Variants in TMEM132D observed in about 807,000 individuals in gnomAD.
TMEM132D encodes the protein mature OL transmembrane protein.
TMEM132D carries 21 observed loss-of-function variants against 62.3 expected under a neutral mutation model. The observed-to-expected ratio is 0.34, with a 90% CI of 0.24 to 0.49. The LOEUF (loss-of-function observed/expected upper bound fraction) is 0.49, where lower values mean the gene tolerates loss of function less well. Among genes scored for constraint, TMEM132D ranks in the 20% least tolerant of loss-of-function variants. TMEM132D has a pLI of 0.99. For synonymous variants in TMEM132D, 621 were observed against 575.6 expected, an observed-to-expected ratio of 1.08 and a Z score of -1.13; for missense variants, 1,346 against 1,402.8, an observed-to-expected ratio of 0.96 and a Z score of 0.65.
At chr12:129,875,789 C>G (rs993612236) in intron 1 of TMEM132D, among the ~76,000 whole-genome samples, 1 of 152,140 alleles carries the variant, frequency 6.6e-6, no homozygotes, top group African/African-American at 2.4e-5. Flanking sequence ...AGCAGAAATC[C>G]AAATTTATCT....
intron 4 of TMEM132D, among the ~76,000 whole-genome samples, chr12:129,322,631 G>T (rs1868760287): frequency 6.6e-6 from 1 of 152,090 alleles, no homozygotes; most frequent in Non-Finnish European, 1.5e-5. Context: ...TTTCTAGAAA[G>T]ATATGGGTTC....
intron 3 of TMEM132D, among the ~76,000 whole-genome samples, chr12:129,486,590 G>A (rs888774876): frequency 2.6e-5 from 4 of 152,180 alleles, no homozygotes; most frequent in Admixed American, 2.0e-4. Flanking sequence ...CTGAAATCTC[G>A]GCTCTGTCCC....
intron 3 of TMEM132D, among the ~76,000 whole-genome samples, chr12:129,422,486 A>G (rs1411195016): frequency 2.6e-5 from 4 of 152,338 alleles, no homozygotes; most frequent in Admixed American, 2.6e-4. Flanking sequence ...AATGCAAAAT[A>G]AAACCACAAA....
intron 2 of TMEM132D, among the ~76,000 whole-genome samples, chr12:129,672,214 G>T (rs540528670): frequency 6.6e-6 from 1 of 152,310 alleles, no homozygotes; most frequent in South Asian, 2.1e-4. Flanking sequence ...GGCCTGTCAG[G>T]TACATGTAGC....
chr12:129,687,967 C>T (rs187630884), intron 2 of TMEM132D, among the ~76,000 whole-genome samples: 3 of 152,298 alleles, frequency 2.0e-5, no homozygotes, highest in Admixed American at 2.0e-4. Context: ...CCTCTCTCTT[C>T]CCCTTTCCCT....
intron 1 of TMEM132D, among the ~76,000 whole-genome samples, chr12:129,802,136 T>A (rs1871811635): frequency 6.6e-6 from 1 of 151,554 alleles, no homozygotes; most frequent in Non-Finnish European, 1.5e-5. Context: ...CCAGGAGAAC[T>A]TCCCCAATTT....
chr12:129,446,173 A>G (rs1409044990), intron 3 of TMEM132D, among the ~76,000 whole-genome samples: 1 of 152,096 alleles, frequency 6.6e-6, no homozygotes, highest in Non-Finnish European at 1.5e-5. Context: ...GAACCAGAAT[A>G]CTGAGCTGGT....
chr12:129,486,833 T>C (rs1874594261), intron 3 of TMEM132D, among the ~76,000 whole-genome samples: 1 of 151,712 alleles, frequency 6.6e-6, no homozygotes, highest in Non-Finnish European at 1.5e-5. Context: ...TGGGGGCACC[T>C]AGCTATGTGG....
intron 3 of TMEM132D, among the ~76,000 whole-genome samples, chr12:129,501,526 A>T (rs1266461941): frequency 6.6e-6 from 1 of 151,686 alleles, no homozygotes; most frequent in Non-Finnish European, 1.5e-5. Context: ...TTTTTTTTTG[A>T]GATGGGTGTC....
At chr12:129,785,344 T>C (rs1013849644) in intron 1 of TMEM132D, among the ~76,000 whole-genome samples, 2 of 152,188 alleles carry the variant, frequency 1.3e-5, no homozygotes, top group African/African-American at 2.4e-5. Context: ...ACTAACTGGG[T>C]TTGATGTTTG....
At chr12:129,118,877 A>G (rs1408931923) in intron 5 of TMEM132D, among the ~76,000 whole-genome samples, 1 of 152,184 alleles carries the variant, frequency 6.6e-6, no homozygotes, top group Non-Finnish European at 1.5e-5. Context: ...AGCACAGCGT[A>G]TCTATTTCGG....
chr12:129,662,274 G>T (rs1257086061), intron 2 of TMEM132D, among the ~76,000 whole-genome samples: 1 of 152,172 alleles, frequency 6.6e-6, no homozygotes, highest in African/African-American at 2.4e-5. Flanking sequence ...GTGTCTGGAG[G>T]TGTTTCTGTT....
At chr12:129,498,644 T>G (rs2137065420) in intron 3 of TMEM132D, among the ~76,000 whole-genome samples, 1 of 152,366 alleles carries the variant, frequency 6.6e-6, no homozygotes, top group Admixed American at 6.5e-5. Flanking sequence ...CGCAGAGTTT[T>G]GGATAGATGC....
intron 1 of TMEM132D, among the ~76,000 whole-genome samples, chr12:129,715,913 G>C (rs1028879447): frequency 2.6e-5 from 4 of 152,138 alleles, no homozygotes; most frequent in African/African-American, 9.7e-5. Flanking sequence ...TTACCCACTG[G>C]GGCCCATCAG....
At chr12:129,202,054 A>G (rs1160313612) in intron 5 of TMEM132D, among the ~76,000 whole-genome samples, 3 of 152,156 alleles carry the variant, frequency 2.0e-5, no homozygotes, top group Non-Finnish European at 4.4e-5. Context: ...GGGAGGCAGA[A>G]GAGAGCATGG....
chr12:129,851,888 C>A (rs1873555353), intron 1 of TMEM132D, among the ~76,000 whole-genome samples: 1 of 152,180 alleles, frequency 6.6e-6, no homozygotes, highest in Admixed American at 6.5e-5. Context: ...TGTTTGCCCA[C>A]CATAATTGGA....
At chr12:129,734,383 A>G (rs1384423830) in intron 1 of TMEM132D, among the ~76,000 whole-genome samples, 3 of 152,198 alleles carry the variant, frequency 2.0e-5, no homozygotes, top group Non-Finnish European at 4.4e-5. Context: ...AATCAGGTCA[A>G]ATGCCATCTC....
intron 4 of TMEM132D, among the ~76,000 whole-genome samples, chr12:129,326,296 G>T (rs7966974): frequency 0.28 from 42,946 of 151,958 alleles, 6,826 homozygotes; most frequent in Non-Finnish European, 0.36. Context: ...GGGATTGTAG[G>T]GGGGGATTTT....
At chr12:129,255,124 C>T (rs1165240130) in intron 4 of TMEM132D, among the ~76,000 whole-genome samples, 6 of 152,154 alleles carry the variant, frequency 3.9e-5, no homozygotes, top group Admixed American at 6.5e-5. Flanking sequence ...GTGTCTGGTC[C>T]CCCTTCACCT....
Sources: allele counts gnomAD v4.1 joint callset (sites outside exome capture counted in the v4.1 genomes callset), GRCh38; gene constraint gnomAD v4.1.1; transcripts MANE v1.5; gene names NCBI Gene and HGNC (gene_info 2026-07-23, HGNC 2026-07-21).